ARHGEF7: variants seen among roughly 807,000 people sequenced by gnomAD.
The protein encoded by ARHGEF7 is Rho guanine nucleotide exchange factor 7.
In ARHGEF7, 33 loss-of-function variants were observed where a neutral mutation model predicts 109.8. That is an observed-to-expected ratio of 0.30 (90% confidence interval 0.23 to 0.40). The LOEUF is 0.40. Among genes scored for constraint, ARHGEF7 ranks in the 10% least tolerant of loss-of-function variants. ARHGEF7 has a pLI of 1.00. For missense variants in ARHGEF7, 938 were observed against 1,098.5 expected, an observed-to-expected ratio of 0.85 and a Z score of 2.07; for synonymous variants, 458 against 424.6, an observed-to-expected ratio of 1.08 and a Z score of -0.97.
At chr13:111,205,622 G>A (rs546737055) in intron 3 of ARHGEF7, among the ~76,000 whole-genome samples, 39 of 152,258 alleles carry the variant, frequency 2.6e-4, no homozygotes, top group South Asian at 1.9e-3. Flanking sequence ...TCACCTGAAC[G>A]TATAGCAGGA....
chr13:111,152,059 T>C (rs2075917961), intron 1 of ARHGEF7, among the ~76,000 whole-genome samples: 1 of 152,188 alleles, frequency 6.6e-6, no homozygotes, highest in Non-Finnish European at 1.5e-5. Context: ...ACAGACTCTT[T>C]GAATGATGAT....
At chr13:111,210,338 G>T (rs2082345977) in intron 4 of ARHGEF7, among the ~76,000 whole-genome samples, 1 of 152,136 alleles carries the variant, frequency 6.6e-6, no homozygotes, top group Admixed American at 6.5e-5. Context: ...GAAATATTGA[G>T]AATAAGAAAT....
chr13:111,232,649 T>G (rs984232004), intron 5 of ARHGEF7, among the ~76,000 whole-genome samples: 1 of 152,164 alleles, frequency 6.6e-6, no homozygotes, highest in Non-Finnish European at 1.5e-5. Context: ...TTTTGCCTGG[T>G]GTGGAAGTGA....
intron 5 of ARHGEF7, among the ~76,000 whole-genome samples, chr13:111,219,834 G>C (rs1285570528): frequency 6.6e-6 from 1 of 152,128 alleles, no homozygotes; most frequent in East Asian, 1.9e-4. Flanking sequence ...TGCAACTTCA[G>C]TTCTCCTCAT....
At chr13:111,297,638 G>A (rs75339319) in intron 19 of ARHGEF7, among the ~76,000 whole-genome samples, 3,710 of 152,298 alleles carry the variant, frequency 0.024, 153 homozygotes, top group African/African-American at 0.083. Context: ...GAGACTCAGT[G>A]CTTAAGTGCT....
chr13:111,244,825 A>G (rs1251441758), intron 8 of ARHGEF7, among the ~76,000 whole-genome samples: 1 of 152,260 alleles, frequency 6.6e-6, no homozygotes, highest in African/African-American at 2.4e-5. Context: ...AGACCATTCC[A>G]GTCAACACAT....
Position 111,301,548 on chromosome 13 carries a change from T to C in ARHGEF7, c.2466+16T>C, listed in dbSNP as rs775697256. 9 of 1,586,484 alleles carry C rather than the reference T, an allele frequency of 5.7e-6. No homozygotes were observed. In the East Asian group the frequency reaches 2.0e-4, roughly 36 times the overall value. On this transcript the variant is annotated intron_variant, in intron 21 of 21. Transcript: ENST00000646102. ...ATTAAGACAGGTACGTCATAATCCATCTTTAAATCTTTTTTTTCTTTTCAA... is the reference window on the plus strand; with the variant it reads ...ATTAAGACAGGTACGTCATAATCCACCTTTAAATCTTTTTTTTCTTTTCAA...
intron 13 of ARHGEF7, among the ~76,000 whole-genome samples, chr13:111,278,233 C>T (rs1018292949): frequency 3.9e-5 from 6 of 152,142 alleles, no homozygotes; most frequent in South Asian, 2.1e-4. Context: ...TTTTCTGTTG[C>T]GACAGTGGTT....
At chr13:111,269,696 C>T (rs1053100762) in intron 9 of ARHGEF7, among the ~76,000 whole-genome samples, 1 of 152,034 alleles carries the variant, frequency 6.6e-6, no homozygotes, top group African/African-American at 2.4e-5. Flanking sequence ...AGAGGAAGGT[C>T]CCCCGAGCCA....
At chr13:111,280,380 G>A in intron 14 of ARHGEF7, 30 bp downstream of exon 14, 1 of 1,601,330 alleles carries the variant, frequency 6.2e-7, no homozygotes, top group Non-Finnish European at 8.5e-7. Flanking sequence ...TGAGTGCTGT[G>A]TCTCGGGGAG....
chr13:111,243,744 A>G (rs1419040944), intron 6 of ARHGEF7, 128 bp from the exon 7 acceptor site: 15 of 625,012 alleles, frequency 2.4e-5, no homozygotes, highest in Non-Finnish European at 3.9e-5. Flanking sequence ...ATGATACTCA[A>G]CACTTTAGTA....
chr13:111,115,646 C>G lies in ARHGEF7; in HGVS notation c.120C>G (p.Val40=), dbSNP rs774708069. The stretch of plus-strand genomic sequence containing the variant: ...AGGCGTCGCTGAAGGATGGGGTGGT[C>G]CTCTGCAGGCTGCTGGAGCGCCTGC... ...FLQASLKDGV[V]LCRLLERLLP... is the part of the protein sequence containing the mutation. Residue 40 remains valine, a synonymous_variant, in exon 1 of 22, where the codon GTC becomes GTG. Coordinates refer to ENST00000646102, the MANE Select transcript of ARHGEF7 (RefSeq NM_001354046.2). 5 of 1,367,498 alleles carry G rather than the reference C, an allele frequency of 3.7e-6. No individual in the cohort carries two copies. In the African/African-American group the frequency reaches 7.6e-5, roughly 21 times the overall value. 84.7% of individuals were successfully genotyped at this position (1,367,498 alleles called of 1,614,324 possible).
At chr13:111,276,342 A>G (rs1187674298) in intron 12 of ARHGEF7, among the ~76,000 whole-genome samples, 4 of 152,226 alleles carry the variant, frequency 2.6e-5, no homozygotes, top group Non-Finnish European at 2.9e-5. Flanking sequence ...CTCCAAGGAG[A>G]ATAAGAAAAC....
chr13:111,222,960 A>G (rs2084666813), intron 5 of ARHGEF7, among the ~76,000 whole-genome samples: 1 of 152,256 alleles, frequency 6.6e-6, no homozygotes, highest in South Asian at 2.1e-4. Flanking sequence ...GACCACATTC[A>G]CATAACTTTA....
At chr13:111,300,702 C>A in intron 19 of ARHGEF7, 46 bp from the exon 20 acceptor site, 1 of 1,288,590 alleles carries the variant, frequency 7.8e-7, no homozygotes, top group South Asian at 1.3e-5. Flanking sequence ...TTCATTCTGC[C>A]ATGGTATTCG....
chr13:111,294,880 A>G, intron 19 of ARHGEF7: 1 of 985,860 alleles, frequency 1.0e-6, no homozygotes, highest in Non-Finnish European at 1.2e-6. Flanking sequence ...CTTTGAAATA[A>G]CGCTTGCCAC....
chr13:111,115,122 C>G (rs1431471951), upstream of ARHGEF7: 1 of 148,312 alleles, frequency 6.7e-6, no homozygotes, highest in Admixed American at 6.7e-5. Context: ...CGCTCCCCTT[C>G]CCCTTTCCCT....
chr13:111,238,220 A>G (rs898970978), intron 6 of ARHGEF7, among the ~76,000 whole-genome samples: 6 of 152,126 alleles, frequency 3.9e-5, no homozygotes, highest in African/African-American at 1.2e-4. Context: ...GGGCGGCTTG[A>G]TGCAGTGGAA....
At chr13:111,233,809 A>G (rs1387033865) in intron 6 of ARHGEF7, among the ~76,000 whole-genome samples, 4 of 152,196 alleles carry the variant, frequency 2.6e-5, no homozygotes, top group African/African-American at 9.7e-5. Context: ...TCTGGATCCT[A>G]AAATTTGCTG....
Sources: allele counts gnomAD v4.1 joint callset (sites outside exome capture counted in the v4.1 genomes callset), GRCh38; gene constraint gnomAD v4.1.1; transcripts MANE v1.5; gene names NCBI Gene and HGNC (gene_info 2026-07-23, HGNC 2026-07-21).